The following PPFIBP2 variants were observed in gnomAD, a reference collection of about 807,000 sequenced individuals.
The protein encoded by PPFIBP2 is PPFIB scaffold protein 2.
In PPFIBP2, 118 loss-of-function variants were observed where a neutral mutation model predicts 118.3. The observed-to-expected ratio is 1.00, with a 90% CI of 0.86 to 1.16. The LOEUF (loss-of-function observed/expected upper bound fraction) is 1.16. PPFIBP2 is among the 50% of genes most tolerant of loss of function. The pLI is 0.00. For missense variants in PPFIBP2, 1,195 were observed against 1,073.1 expected (o/e 1.11, Z -1.59); for synonymous variants, 414 against 397.4 (o/e 1.04, Z -0.50).
At chr11:7,655,376 T>A (rs1854584216), downstream of PPFIBP2, 1 of 1,234,562 alleles carries the variant, frequency 8.1e-7, no homozygotes, top group Non-Finnish European at 1.1e-6. Flanking sequence ...GCATGCCATC[T>A]CTCTGAATCA....
Position 7,639,787 on chromosome 11 carries a change from G to C in PPFIBP2, c.1292G>C (p.Gly431Ala), listed in dbSNP as rs553604362. ...CCCACTTTACCTGGGAAGCTTTCAG[G>C]AGCCACGCCCAATGGAGAGGCTGCC... Reference protein sequence around the residue: ...KYPTLPGKLSGATPNGEAAKS... With the variant: ...KYPTLPGKLSAATPNGEAAKS... Residue 431 changes from glycine (G) to alanine (A), a missense_variant, in exon 15 of 24, where the codon GGA becomes GCA. Transcript: ENST00000299492. The C allele has an allele frequency of 7.4e-6, 12 of 1,614,118 alleles. 1 individual carries two copies. In the African/African-American group the frequency reaches 1.3e-4, roughly 18 times the overall value.
chr11:7,649,873 G>A (rs1032971756), intron 21 of PPFIBP2, among the ~76,000 whole-genome samples: 1 of 152,132 alleles, frequency 6.6e-6, no homozygotes, highest in African/African-American at 2.4e-5. Context: ...CCCTCCACTG[G>A]GGAGACACAT....
chr11:7,665,410 C>T, the PPFIBP2 span: 1 of 1,605,086 alleles, frequency 6.2e-7, no homozygotes, highest in Non-Finnish European at 8.5e-7. Context: ...TATAACCCAG[C>T]TTCTCCAGGT....
chr11:7,591,741 CT>C, intron 3 of PPFIBP2, among the ~76,000 whole-genome samples: 1 of 152,322 alleles, frequency 6.6e-6, no homozygotes. Flanking sequence ...GGAGTGGCCC[CT>C]GGGCCTGTCC....
intron 9 of PPFIBP2, among the ~76,000 whole-genome samples, chr11:7,629,135 A>G (rs1850417411): frequency 6.6e-6 from 1 of 152,212 alleles, no homozygotes; most frequent in South Asian, 2.1e-4. Flanking sequence ...TCCAGAGGGC[A>G]ACACTAGGAC....
chr11:7,540,200 T>C (rs934246383), intron 1 of PPFIBP2, among the ~76,000 whole-genome samples: 2 of 151,962 alleles, frequency 1.3e-5, no homozygotes, highest in Non-Finnish European at 2.9e-5. Context: ...CTTGGTAAGA[T>C]TTGTGAAATA....
At chr11:7,542,847 A>T (rs1851935317) in intron 1 of PPFIBP2, among the ~76,000 whole-genome samples, 1 of 152,252 alleles carries the variant, frequency 6.6e-6, no homozygotes, top group Admixed American at 6.5e-5. Flanking sequence ...GTTAAATTAA[A>T]TGTTTAGGTT....
intron 1 of PPFIBP2, among the ~76,000 whole-genome samples, chr11:7,531,123 C>G (rs1030711375): frequency 1.5e-4 from 23 of 152,164 alleles, no homozygotes; most frequent in African/African-American, 5.3e-4. Context: ...GCAGGCCTGT[C>G]TTTGGCCTGC....
chr11:7,514,168 TG>T, intron 1 of PPFIBP2, 47 bp downstream of exon 1: 1 of 152,398 alleles, frequency 6.6e-6, no homozygotes, highest in Admixed American at 6.5e-5. Flanking sequence ...CGGTCGGGGT[TG>T]GGATCCCCGT....
chr11:7,519,617 A>G (rs10769800), intron 1 of PPFIBP2, among the ~76,000 whole-genome samples: 87,943 of 151,924 alleles, frequency 0.58, 25,949 homozygotes, highest in African/African-American at 0.66. Context: ...GCTGTTTTTT[A>G]GAATGGAGGG....
intron 1 of PPFIBP2, among the ~76,000 whole-genome samples, chr11:7,536,880 C>T (rs1019053790): frequency 1.4e-4 from 22 of 151,982 alleles, no homozygotes; most frequent in African/African-American, 5.3e-4. Context: ...AGAGCCTCCA[C>T]GTTGTCCAGA....
chr11:7,654,891 T>G (rs114879212), downstream of PPFIBP2, among the ~76,000 whole-genome samples: 955 of 152,254 alleles, frequency 6.3e-3, 13 homozygotes, highest in African/African-American at 0.022. Flanking sequence ...CCCTCCAAAT[T>G]TACAGAGGAT....
At chr11:7,623,229 G>A (rs1849570752) in intron 7 of PPFIBP2, among the ~76,000 whole-genome samples, 1 of 152,148 alleles carries the variant, frequency 6.6e-6, no homozygotes, top group South Asian at 2.1e-4. Context: ...AGTCTCTGAA[G>A]GGGATTCATC....
rs1853896730 is a variant in PPFIBP2 at position 7,650,915 on chromosome 11, G to A, written c.2197G>A (p.Ala733Thr). ...VMEWLRSVDL[A>T]EYAPNLRGSG... The stretch of plus-strand genomic sequence containing the variant: ...GGAGTGGTTACGATCTGTGGACCTG[G>A]CAGAGTATGCACCCAATCTTCGAGG... The change falls in exon 22 of 24, where the codon GCA (alanine) becomes ACA (threonine). Residue 733 changes from alanine (A) to threonine (T), a missense_variant. By Grantham distance (58) the Ala-to-Thr change is moderately conservative. Coordinates refer to ENST00000299492, the MANE Select transcript of PPFIBP2 (RefSeq NM_003621.5). The A allele has an allele frequency of 1.2e-6, 2 of 1,614,048 alleles. No individual in the cohort carries two copies. Among genetic ancestry groups the A allele is most frequent in the African/African-American group, 2.7e-5 (2 of 75,044 alleles).
intron 3 of PPFIBP2, among the ~76,000 whole-genome samples, chr11:7,581,654 A>G (rs993113344): frequency 3.3e-5 from 5 of 152,208 alleles, no homozygotes; most frequent in Non-Finnish European, 5.9e-5. Flanking sequence ...AGTGAAAGTT[A>G]CAGAAATAGG....
intron 4 of PPFIBP2, among the ~76,000 whole-genome samples, chr11:7,595,213 G>A (rs1231647764): frequency 6.6e-6 from 1 of 152,202 alleles, no homozygotes; most frequent in African/African-American, 2.4e-5. Flanking sequence ...GTGCTCAAAA[G>A]GGTGGTGCGA....
chr11:7,520,810 C>T (rs914631418), intron 1 of PPFIBP2, among the ~76,000 whole-genome samples: 1 of 152,172 alleles, frequency 6.6e-6, no homozygotes, highest in African/African-American at 2.4e-5. Flanking sequence ...TTCTTAGTAT[C>T]ATTTTTTGGT....
chr11:7,571,521 C>T (rs1055981946), intron 3 of PPFIBP2, among the ~76,000 whole-genome samples: 1 of 151,982 alleles, frequency 6.6e-6, no homozygotes, highest in African/African-American at 2.4e-5. Context: ...GAATGGAAAA[C>T]AAAAGATAGT....
downstream of PPFIBP2, chr11:7,656,910 G>T (rs141533515): frequency 5.5e-3 from 4,351 of 797,172 alleles, 122 homozygotes; most frequent in African/African-American, 0.07. Flanking sequence ...GGCTGGCAGG[G>T]TGTCTCAGAC....
Sources: allele counts gnomAD v4.1 joint callset (sites outside exome capture counted in the v4.1 genomes callset), GRCh38; gene constraint gnomAD v4.1.1; transcripts MANE v1.5; gene names NCBI Gene and HGNC (gene_info 2026-07-23, HGNC 2026-07-21).